The following NALCN variants were observed in gnomAD, a reference collection of about 807,000 sequenced individuals.
The protein encoded by NALCN is sodium leak channel, non-selective.
In NALCN, 111 loss-of-function variants were observed where a neutral mutation model predicts 225.3. The observed-to-expected ratio is 0.49, with a 90% CI of 0.42 to 0.58. NALCN has a LOEUF of 0.58. NALCN is among the 20% of genes least tolerant of loss of function. NALCN has a pLI of 0.00. For synonymous variants in NALCN, 764 were observed against 769.0 expected (o/e 0.99, Z 0.11); for missense variants, 1,378 against 2,202.4 (o/e 0.63, Z 7.49).
intron 22 of NALCN, among the ~76,000 whole-genome samples, chr13:101,107,219 A>G (rs2035169149): frequency 6.6e-6 from 1 of 152,224 alleles, no homozygotes; most frequent in South Asian, 2.1e-4. Flanking sequence ...TAATGCCGAT[A>G]TAAGTGTATC....
At chr13:101,380,572 AT>A (rs1191874912) in intron 3 of NALCN, among the ~76,000 whole-genome samples, 1 of 152,228 alleles carries the variant, frequency 6.6e-6, no homozygotes, top group Non-Finnish European at 1.5e-5. Context: ...ACCTCCTCTG[AT>A]TAAACCTGCT....
chr13:101,066,718 T>G (rs2139431777), intron 39 of NALCN, among the ~76,000 whole-genome samples: 1 of 152,230 alleles, frequency 6.6e-6, no homozygotes. Flanking sequence ...CCCTCAAGAC[T>G]GAAGCCTGGG....
rs991220001 is a variant in NALCN at position 101,287,854 on chromosome 13, C to T, written c.1048-3835G>A. Among the ~76,000 whole-genome samples, 9 of 152,262 alleles carry T rather than the reference C, an allele frequency of 5.9e-5. No homozygotes were observed. In the South Asian group the frequency reaches 6.2e-4, roughly 11 times the overall value. On this transcript the variant is annotated intron_variant, in intron 9 of 43. Coordinates refer to ENST00000251127, the MANE Select transcript of NALCN (RefSeq NM_052867.4). ...GGCATAATATCATCATCATCAACAACATGAATAACAGGTTATCTAATGGAT... is the reference window on the plus strand; with the variant it reads ...GGCATAATATCATCATCATCAACAATATGAATAACAGGTTATCTAATGGAT...
At chr13:101,335,243 G>C (rs1566588571) in intron 7 of NALCN, among the ~76,000 whole-genome samples, 1 of 152,100 alleles carries the variant, frequency 6.6e-6, no homozygotes, top group Non-Finnish European at 1.5e-5. Context: ...AAAAAGTCAT[G>C]CCTGCAATTT....
chr13:101,095,519 G>T, intron 28 of NALCN, 55 bp downstream of exon 28: 2 of 1,401,230 alleles, frequency 1.4e-6, no homozygotes, highest in Non-Finnish European at 2.0e-6. Flanking sequence ...CTTATTTAAA[G>T]CCTTATACTG....
At chr13:101,063,446 C>CTAT (rs1236750019) in intron 40 of NALCN, among the ~76,000 whole-genome samples, 2 of 152,136 alleles carry the variant, frequency 1.3e-5, no homozygotes, top group Non-Finnish European at 2.9e-5. Flanking sequence ...TTGCCTGGGT[C>CTAT]TATTTTTATT....
chr13:101,092,459 A>G (rs1053870483), intron 28 of NALCN, among the ~76,000 whole-genome samples: 1 of 152,240 alleles, frequency 6.6e-6, no homozygotes, highest in Non-Finnish European at 1.5e-5. Flanking sequence ...AGCTTTGGGC[A>G]TAGAGTTGCC....
At chr13:101,056,189 C>G (rs1020411980) in intron 43 of NALCN, among the ~76,000 whole-genome samples, 5 of 145,882 alleles carry the variant, frequency 3.4e-5, no homozygotes, top group Non-Finnish European at 7.5e-5. Flanking sequence ...AAGAGCATGT[C>G]TATTTCACGA....
At chr13:101,167,914 T>C (rs1487797324) in intron 15 of NALCN, among the ~76,000 whole-genome samples, 1 of 152,186 alleles carries the variant, frequency 6.6e-6, no homozygotes, top group Non-Finnish European at 1.5e-5. Context: ...CTTAAGTTCT[T>C]TCCTCAGTAT....
chr13:101,213,704 C>G (rs546635968), intron 13 of NALCN, among the ~76,000 whole-genome samples: 43 of 152,314 alleles, frequency 2.8e-4, no homozygotes, highest in African/African-American at 1.0e-3. Context: ...TGCTCATCAT[C>G]ACTGGCCATC....
Position 101,237,745 on chromosome 13 carries a change from T to C in NALCN, c.1434+10A>G, listed in dbSNP as rs1337053877. 6.5e-7 allele frequency: 1 copy of C among 1,549,668 alleles called. No homozygotes were observed. Among genetic ancestry groups the C allele is most frequent in the Non-Finnish European group, 8.7e-7 (1 of 1,152,126 alleles). On this transcript the variant is annotated intron_variant, in intron 12 of 43. Transcript: ENST00000251127. ...AATTTCTAAAGACAAATAGGCATTA[T>C]TTTTATTACCTGAAAGTACGTGAAT... is the stretch of plus-strand genomic sequence containing the variant.
chr13:101,215,687 T>G (rs556055320), intron 13 of NALCN, among the ~76,000 whole-genome samples: 1 of 151,536 alleles, frequency 6.6e-6, no homozygotes, highest in African/African-American at 2.4e-5. Context: ...CTTACTTTTT[T>G]TTTCCTATTT....
intron 13 of NALCN, among the ~76,000 whole-genome samples, chr13:101,214,732 A>T (rs774245848): frequency 6.6e-6 from 1 of 152,152 alleles, no homozygotes; most frequent in Non-Finnish European, 1.5e-5. Flanking sequence ...TGTGTCAGAG[A>T]TAAGGTACAA....
chr13:101,367,986 A>ATTTATGTTAT (rs143229998), intron 6 of NALCN, among the ~76,000 whole-genome samples: 2 of 148,240 alleles, frequency 1.3e-5, no homozygotes, highest in African/African-American at 5.0e-5. Flanking sequence ...CTTTTTTGAA[A>ATTTATGTTAT]TTTATTTTAT....
chr13:101,131,125 C>T (rs2036496839), intron 17 of NALCN, among the ~76,000 whole-genome samples: 1 of 151,964 alleles, frequency 6.6e-6, no homozygotes, highest in African/African-American at 2.4e-5. Flanking sequence ...GTTTTCATTG[C>T]TTTAATTTAT....
chr13:101,238,908 C>T (rs1331909407), intron 11 of NALCN, among the ~76,000 whole-genome samples: 1 of 151,878 alleles, frequency 6.6e-6, no homozygotes, highest in African/African-American at 2.4e-5. Flanking sequence ...ACATTAAAGG[C>T]ACTGCAGATA....
At position 101,089,692 on chromosome 13, in the gene NALCN, C is replaced by A. The variant is rs1295404726; in HGVS notation, c.3460G>T (p.Val1154Leu). ...TTTTCATTGAAATTAGCAATAACTACTCCAACAAAAAGGGTCAGTCCAATC... is the reference window on the plus strand; with the variant it reads ...TTTTCATTGAAATTAGCAATAACTAATCCAACAAAAAGGGTCAGTCCAATC... ...CMIGLTLFVG[V>L]VIANFNENKG... The change falls in exon 30 of 44, where the codon GTA becomes TTA. Residue 1154 changes from valine to leucine, a missense_variant. Transcript: ENST00000251127. The surrounding 1 kb of genome is among the most constrained non-coding windows in gnomAD (Gnocchi z 4.7). 4 of 1,613,896 alleles carry A rather than the reference C, an allele frequency of 2.5e-6. No homozygotes were observed. The highest frequency in any genetic ancestry group is 3.4e-6 in the Non-Finnish European group (4 of 1,179,928).
At chr13:101,144,661 C>A in intron 16 of NALCN, 99 bp downstream of exon 16, 2 of 1,228,782 alleles carry the variant, frequency 1.6e-6, no homozygotes, top group South Asian at 1.7e-5. Context: ...AGAAAGAAAC[C>A]CAACCCACAT....
chr13:101,355,304 C>G (rs551070347), intron 6 of NALCN, among the ~76,000 whole-genome samples: 1 of 151,582 alleles, frequency 6.6e-6, no homozygotes, highest in Admixed American at 6.6e-5. Flanking sequence ...GGGGACCGAT[C>G]TCATGTGCAA....
Sources: gnomAD v4.1 joint callset for allele counts (sites outside exome capture counted in the v4.1 genomes callset) on GRCh38, gnomAD v4.1.1 for gene constraint, Gnocchi (gnomAD v3.1) non-coding constraint, MANE v1.5 for transcripts, NCBI Gene and HGNC (gene_info 2026-07-23, HGNC 2026-07-21) for gene names.